Variants in PRDM11 observed in about 807,000 individuals in gnomAD.
The protein encoded by PRDM11 is PR/SET domain 11, also known as PR domain-containing protein 11.
PRDM11 carries 20 observed loss-of-function variants against 97.8 expected under a neutral mutation model. The observed-to-expected ratio is 0.20, with a 90% CI of 0.14 to 0.30. The LOEUF (loss-of-function observed/expected upper bound fraction) is 0.30, where lower values mean the gene tolerates loss of function less well. Among genes scored for constraint, PRDM11 ranks in the 10% least tolerant of loss-of-function variants. The pLI is 1.00. For missense variants in PRDM11, 1,139 were observed against 1,555.2 expected (o/e 0.73, Z 4.50); for synonymous variants, 599 against 637.7 (o/e 0.94, Z 0.91).
intron 1 of PRDM11, among the ~76,000 whole-genome samples, chr11:45,164,849 C>A (rs1369496291): frequency 6.6e-6 from 1 of 152,034 alleles, no homozygotes; most frequent in Non-Finnish European, 1.5e-5. Context: ...TCACAGAATG[C>A]CAGAGCCAGC....
At chr11:45,202,813 G>A (rs1853376202) in intron 4 of PRDM11, among the ~76,000 whole-genome samples, 2 of 152,176 alleles carry the variant, frequency 1.3e-5, no homozygotes, top group Non-Finnish European at 1.5e-5. Context: ...GCACAGGGTT[G>A]TCAGCTGCAT....
At chr11:45,180,934 G>A (rs1362462419) in intron 1 of PRDM11, among the ~76,000 whole-genome samples, 1 of 152,076 alleles carries the variant, frequency 6.6e-6, no homozygotes, top group Non-Finnish European at 1.5e-5. Context: ...AGTCGCCGCC[G>A]CCGGCTTTGG....
At chr11:45,106,462 C>T (rs1852063545) in intron 1 of PRDM11, among the ~76,000 whole-genome samples, 1 of 152,150 alleles carries the variant, frequency 6.6e-6, no homozygotes, top group Non-Finnish European at 1.5e-5. Context: ...AGTTATACTG[C>T]TATGCTACAA....
chr11:45,182,116 G>T, intron 2 of PRDM11, 130 bp from the exon 3 acceptor site: 1 of 813,388 alleles, frequency 1.2e-6, no homozygotes, highest in Non-Finnish European at 2.0e-6. Flanking sequence ...TGAACAGCAG[G>T]CTGGCTGGGA....
intron 1 of PRDM11, among the ~76,000 whole-genome samples, chr11:45,101,035 T>C (rs1418035693): frequency 2.0e-5 from 3 of 152,152 alleles, no homozygotes; most frequent in Non-Finnish European, 4.4e-5. Context: ...GCTTTGTGTG[T>C]GTGTGTTGGA....
intron 4 of PRDM11, among the ~76,000 whole-genome samples, chr11:45,183,388 A>G (rs113536057): frequency 6.6e-6 from 1 of 152,206 alleles, no homozygotes; most frequent in African/African-American, 2.4e-5. Flanking sequence ...TTCCCCATGA[A>G]TCCTCATGTG....
chr11:45,186,625 C>T (rs184144521), intron 4 of PRDM11, among the ~76,000 whole-genome samples: 2 of 152,086 alleles, frequency 1.3e-5, no homozygotes, highest in African/African-American at 2.4e-5. Flanking sequence ...GTCTCATGGG[C>T]GGAAGCCAGA....
chr11:45,150,224 A>G (rs1851626904), intron 1 of PRDM11, among the ~76,000 whole-genome samples: 1 of 151,540 alleles, frequency 6.6e-6, no homozygotes, highest in Non-Finnish European at 1.5e-5. Flanking sequence ...CTCCATCTTC[A>G]CATCCCCTCT....
intron 1 of PRDM11, among the ~76,000 whole-genome samples, chr11:45,128,690 G>A (rs1301845456): frequency 6.6e-6 from 1 of 152,116 alleles, no homozygotes; most frequent in Non-Finnish European, 1.5e-5. Context: ...GAAGCTTCCA[G>A]GGCCAGATAG....
At chr11:45,223,171 G>A (rs903696470) in intron 6 of PRDM11, among the ~76,000 whole-genome samples, 1 of 152,134 alleles carries the variant, frequency 6.6e-6, no homozygotes, top group African/African-American at 2.4e-5. Context: ...CAAAAATTAG[G>A]GTGTGATGGC....
At chr11:45,109,642 G>A (rs1055040501) in intron 1 of PRDM11, among the ~76,000 whole-genome samples, 1 of 152,190 alleles carries the variant, frequency 6.6e-6, no homozygotes, top group African/African-American at 2.4e-5. Context: ...AGATGGAACA[G>A]GGCAGATTTA....
At chr11:45,179,703 C>T (rs1852419907) in intron 1 of PRDM11, among the ~76,000 whole-genome samples, 1 of 152,334 alleles carries the variant, frequency 6.6e-6, no homozygotes, top group South Asian at 2.1e-4. Context: ...ATCTTGATCA[C>T]CTCCTCACAG....
chr11:45,145,149 T>G (rs1436120495), upstream of PRDM11, among the ~76,000 whole-genome samples: 2 of 152,196 alleles, frequency 1.3e-5, no homozygotes, highest in Non-Finnish European at 2.9e-5. Flanking sequence ...TACACTCTCA[T>G]GGCTCCTTAC....
At position 45,219,853 on chromosome 11, in the gene PRDM11, A is replaced by G. The variant is rs1590469783; in HGVS notation, c.742+96A>G. 1 of 1,367,982 alleles carries G rather than the reference A, an allele frequency of 7.3e-7. No individual in the cohort carries two copies. Among genetic ancestry groups the G allele is most frequent in the South Asian group, 1.4e-5 (1 of 70,568 alleles). The allele number at this position is 1,367,982 out of a possible 1,614,324, so 84.7% of individuals were successfully genotyped here. A position where few individuals can be genotyped will look rare whatever the true frequency, so the allele number is the denominator to read the frequency against. On this transcript the variant is annotated intron_variant, in intron 6 of 7. Coordinates refer to ENST00000683152, the MANE Select transcript of PRDM11 (RefSeq NM_001384648.1). This position sits in a 1 kb window ranked among gnomAD's most constrained non-coding sequence, Gnocchi z 4.2. ...GAGCTTCCTGAGAAATACGGTTCCC[A>G]GCAATGGGAAGACCCAGAGTGATTC...
rs1213850416 is a variant in PRDM11, at chr11:45,231,168, A to C, written c.*3009A>C. Reference sequence around the variant, plus strand: ...GCCACACTGCCATGGGACAGGGAATAATTTGGGTGATACACCACTGCAATT... The same window carrying C: ...GCCACACTGCCATGGGACAGGGAATCATTTGGGTGATACACCACTGCAATT... On this transcript the variant is annotated 3_prime_UTR_variant, in exon 8 of 8. Transcript: ENST00000683152. 6.6e-6 allele frequency: 1 copy of C among 152,184 alleles called. No individual in the cohort carries two copies. The highest frequency in any genetic ancestry group is 2.4e-5 in the African/African-American group (1 of 41,448). 9.4% of individuals were successfully genotyped at this position (152,184 alleles called of 1,614,324 possible).
intron 1 of PRDM11, among the ~76,000 whole-genome samples, chr11:45,119,396 G>T (rs897678764): frequency 3.9e-5 from 6 of 152,108 alleles, no homozygotes; most frequent in African/African-American, 1.4e-4. Flanking sequence ...GGGAGGCCGA[G>T]TTGGGCGGAT....
chr11:45,214,783 T>C (rs902258468), intron 5 of PRDM11: 1 of 152,216 alleles, frequency 6.6e-6, no homozygotes, highest in Admixed American at 6.5e-5. Context: ...GTATTCTCTT[T>C]CTTCGTTTCC....
At chr11:45,110,552 C>T (rs959762241) in intron 1 of PRDM11, among the ~76,000 whole-genome samples, 1 of 152,242 alleles carries the variant, frequency 6.6e-6, no homozygotes, top group African/African-American at 2.4e-5. Context: ...CGCCAAGGGG[C>T]TCTCCTCTGA....
At chr11:45,136,681 T>C (rs1321946970) in intron 1 of PRDM11, among the ~76,000 whole-genome samples, 1 of 152,098 alleles carries the variant, frequency 6.6e-6, no homozygotes, top group Non-Finnish European at 1.5e-5. Context: ...TTTCCAAACC[T>C]TATTAAAGAA....
Sources: allele counts gnomAD v4.1 joint callset (sites outside exome capture counted in the v4.1 genomes callset), GRCh38; gene constraint gnomAD v4.1.1; non-coding constraint Gnocchi (gnomAD v3.1); transcripts MANE v1.5; gene names NCBI Gene and HGNC (gene_info 2026-07-23, HGNC 2026-07-21).